NTN1: variants seen among roughly 807,000 people sequenced by gnomAD.
The protein encoded by NTN1 is netrin-1.
NTN1 carries 11 observed loss-of-function variants against 54.2 expected under a neutral mutation model. The ratio of observed to expected loss-of-function variants is 0.20; its 90% CI spans 0.13 to 0.34. The LOEUF (loss-of-function observed/expected upper bound fraction) is 0.34. Among genes scored for constraint, NTN1 ranks in the 10% least tolerant of loss-of-function variants. NTN1 has a pLI of 1.00. For synonymous variants in NTN1, 371 were observed against 382.0 expected, an observed-to-expected ratio of 0.97 and a Z score of 0.33; for missense variants, 740 against 893.1, an observed-to-expected ratio of 0.83 and a Z score of 2.18.
chr17:9,053,967 T>A lies in NTN1; in HGVS notation c.1018+30576T>A, dbSNP rs574441663. On this transcript the variant is annotated intron_variant, in intron 2 of 6. Coordinates refer to ENST00000173229, the MANE Select transcript of NTN1 (RefSeq NM_004822.3). ...CCTCACTCAAGGACATGTGCTTGAG[T>A]GCCTTGGGCTACCAAGTTGCCTTTC... Among the ~76,000 whole-genome samples the A allele has an allele frequency of 5.3e-5, 8 of 152,264 alleles. 1 individual carries two copies. Among genetic ancestry groups the A allele is most frequent in the African/African-American group, 1.9e-4 (8 of 41,560 alleles).
chr17:9,156,171 A>G (rs726598), intron 2 of NTN1, among the ~76,000 whole-genome samples: 84,992 of 151,636 alleles, frequency 0.56, 23,963 homozygotes, highest in African/African-American at 0.58. Flanking sequence ...TGAGAGCAGT[A>G]CCTGTCCCAG....
At chr17:9,235,009 C>G (rs2142374806) in intron 6 of NTN1, among the ~76,000 whole-genome samples, 1 of 143,448 alleles carries the variant, frequency 7.0e-6, no homozygotes, top group East Asian at 2.1e-4. Context: ...GTTGCCCAGG[C>G]TGGAGTGCAG....
In NTN1 at chr17:9,156,343, G is replaced by T. The variant is rs146242752; in HGVS notation, c.1019-6470G>T. Among the ~76,000 whole-genome samples, 61 of 151,986 alleles carry T rather than the reference G, an allele frequency of 4.0e-4. 1 individual carries two copies. The highest frequency in any genetic ancestry group is 1.4e-3 in the African/African-American group (60 of 41,468). ...AGGAGAAGACATGGTGATCCTGTGT[G>T]CTGGAGGGCTGCTGTGGGGTACTGG... On this transcript the variant is annotated intron_variant, in intron 2 of 6. Transcript: ENST00000173229.
chr17:9,144,350 G>A lies in NTN1; in HGVS notation c.1019-18463G>A, dbSNP rs530888782. Among the ~76,000 whole-genome samples the A allele has an allele frequency of 2.0e-5, 3 of 152,078 alleles. No homozygotes were observed. In the South Asian group the frequency reaches 6.2e-4, roughly 32 times the overall value. ...GTAACATCAACTACTGTTCCCCTGG[G>A]TCAGCCACTGTTGACAGCTGGGCAC... On this transcript the variant is annotated intron_variant, in intron 2 of 6. Coordinates refer to ENST00000173229, the MANE Select transcript of NTN1 (RefSeq NM_004822.3).
At chr17:9,112,681 C>T (rs1041097222) in intron 2 of NTN1, among the ~76,000 whole-genome samples, 5 of 151,752 alleles carry the variant, frequency 3.3e-5, no homozygotes, top group Non-Finnish European at 5.9e-5. Flanking sequence ...AAAAATTAGC[C>T]GGGCGTGGTG....
intron 6 of NTN1, among the ~76,000 whole-genome samples, chr17:9,228,868 G>GAC (rs1905692227): frequency 5.5e-5 from 3 of 54,178 alleles, no homozygotes; most frequent in African/African-American, 1.7e-4. Flanking sequence ...GTATGAGAGT[G>GAC]TGTCTGTGTG....
chr17:9,138,706 A>G (rs986563133), intron 2 of NTN1, among the ~76,000 whole-genome samples: 3 of 152,248 alleles, frequency 2.0e-5, no homozygotes, highest in Admixed American at 6.5e-5. Flanking sequence ...TGGAGGAGAT[A>G]AGGCCAGGCA....
intron 2 of NTN1, among the ~76,000 whole-genome samples, chr17:9,115,302 T>C (rs2142256178): frequency 6.6e-6 from 1 of 152,280 alleles, no homozygotes; most frequent in East Asian, 1.9e-4. Flanking sequence ...CTCTTTGGGG[T>C]GAGCAAATAG....
intron 2 of NTN1, among the ~76,000 whole-genome samples, chr17:9,090,631 A>G (rs943603880): frequency 1.3e-5 from 2 of 152,100 alleles, no homozygotes; most frequent in Non-Finnish European, 2.9e-5. Flanking sequence ...GCCACTCAGG[A>G]GACCTTGCTA....
intron 2 of NTN1, among the ~76,000 whole-genome samples, chr17:9,121,013 T>A (rs928956611): frequency 2.0e-5 from 3 of 152,190 alleles, no homozygotes; most frequent in African/African-American, 7.2e-5. Flanking sequence ...GGATTAAGCC[T>A]CAGGGTGAAC....
chr17:9,195,899 A>T (rs1382768952), intron 5 of NTN1, among the ~76,000 whole-genome samples: 1 of 152,000 alleles, frequency 6.6e-6, no homozygotes, highest in Non-Finnish European at 1.5e-5. Flanking sequence ...AACAACCATC[A>T]CTGCAATCCT....
At chr17:9,019,772 C>T (rs1333680180), upstream of NTN1, among the ~76,000 whole-genome samples, 4 of 152,226 alleles carry the variant, frequency 2.6e-5, no homozygotes, top group South Asian at 4.1e-4. Context: ...TATACCATTG[C>T]GATTTCACAG....
At chr17:9,055,682 A>G (rs1275217915) in intron 2 of NTN1, among the ~76,000 whole-genome samples, 1 of 152,110 alleles carries the variant, frequency 6.6e-6, no homozygotes, top group Non-Finnish European at 1.5e-5. Flanking sequence ...CAGGATGGAT[A>G]CCATCTTGAT....
At chr17:9,109,825 G>A (rs2092183947) in intron 2 of NTN1, among the ~76,000 whole-genome samples, 1 of 152,328 alleles carries the variant, frequency 6.6e-6, no homozygotes, top group East Asian at 1.9e-4. Flanking sequence ...GTTTAAATTT[G>A]CATTTGCATT....
intron 2 of NTN1, among the ~76,000 whole-genome samples, chr17:9,084,564 C>T (rs1567706630): frequency 6.6e-6 from 1 of 152,002 alleles, no homozygotes; most frequent in East Asian, 1.9e-4. Context: ...CTGCTCCACT[C>T]CAGAGCATTG....
At chr17:9,075,746 C>G (rs551275445) in intron 2 of NTN1, among the ~76,000 whole-genome samples, 1 of 152,286 alleles carries the variant, frequency 6.6e-6, no homozygotes, top group South Asian at 2.1e-4. Context: ...TCTGCAGCCC[C>G]CGGAGGTGTG....
At chr17:9,005,898 A>C in the NTN1 span, among the ~76,000 whole-genome samples, 1 of 152,186 alleles carries the variant, frequency 6.6e-6, no homozygotes, top group Non-Finnish European at 1.5e-5. Context: ...TCACAGCTGG[A>C]CCTAACACTG....
At chr17:9,092,278 A>G (rs2092113757) in intron 2 of NTN1, among the ~76,000 whole-genome samples, 1 of 150,088 alleles carries the variant, frequency 6.7e-6, no homozygotes, top group African/African-American at 2.5e-5. Context: ...AAGACTGAGT[A>G]ATACTCCATT....
At chr17:9,209,030 G>T (rs763657488) in intron 5 of NTN1, among the ~76,000 whole-genome samples, 14 of 152,230 alleles carry the variant, frequency 9.2e-5, no homozygotes, top group Non-Finnish European at 1.8e-4. Context: ...AGAGTCGGAG[G>T]CCACCTGGAG....
Sources: allele counts gnomAD v4.1 joint callset (sites outside exome capture counted in the v4.1 genomes callset), GRCh38; gene constraint gnomAD v4.1.1; transcripts MANE v1.5; gene names NCBI Gene and HGNC (gene_info 2026-07-23, HGNC 2026-07-21).